The following NOS1AP variants were observed in gnomAD, a reference collection of about 807,000 sequenced individuals.
NOS1AP encodes the protein nitric oxide synthase 1 adaptor protein.
Under a neutral mutation model 56.2 loss-of-function variants are expected in NOS1AP, and 21 were observed. The observed-to-expected ratio is 0.37, with a 90% CI of 0.26 to 0.54. The LOEUF (loss-of-function observed/expected upper bound fraction) is 0.54, where lower values mean the gene tolerates loss of function less well. NOS1AP is among the 20% of genes least tolerant of loss of function. The pLI is 0.84. For missense variants in NOS1AP, 522 were observed against 657.8 expected (o/e 0.79, Z 2.26); for synonymous variants, 270 against 274.6 (o/e 0.98, Z 0.17).
intron 2 of NOS1AP, among the ~76,000 whole-genome samples, chr1:162,240,878 G>A (rs548548605): frequency 2.7e-4 from 41 of 152,340 alleles, no homozygotes; most frequent in African/African-American, 9.4e-4. Flanking sequence ...GGATACAGAC[G>A]TGTCAAGGGA....
intron 1 of NOS1AP, among the ~76,000 whole-genome samples, chr1:162,120,086 C>CATATGTATATGATATATACACATGT (rs1648144615): frequency 4.7e-4 from 1 of 2,106 alleles, no homozygotes; most frequent in Non-Finnish European, 3.0e-3. Flanking sequence ...ATGGTATATA[C>CATATGTATATGATATATACACATGT]ATATGTATAT....
chr1:162,170,662 C>T (rs569477761), intron 2 of NOS1AP, among the ~76,000 whole-genome samples: 16 of 152,240 alleles, frequency 1.1e-4, no homozygotes, highest in African/African-American at 3.9e-4. Flanking sequence ...CGCGGTGGCT[C>T]ACGCCTGTAA....
intron 2 of NOS1AP, among the ~76,000 whole-genome samples, chr1:162,263,204 A>G (rs1654294012): frequency 6.6e-6 from 1 of 152,258 alleles, no homozygotes; most frequent in Admixed American, 6.5e-5. Flanking sequence ...TTGTGCTGCT[A>G]TAACAGAATA....
chr1:162,338,050 AG>A (rs374709791), intron 5 of NOS1AP, among the ~76,000 whole-genome samples: 163 of 152,370 alleles, frequency 1.1e-3, no homozygotes, highest in African/African-American at 3.8e-3. Flanking sequence ...AATACATTAA[AG>A]AAACATGACA....
rs1258753006 is a variant in NOS1AP at position 162,277,297 on chromosome 1, G to A, written c.178-10047G>A. 3.3e-5 allele frequency among the ~76,000 whole-genome samples: 5 copies of A among 152,284 alleles called. 1 individual carries two copies. Among genetic ancestry groups the A allele is most frequent in the Middle Eastern group, 3.4e-3 (1 of 294 alleles). ...GTATTCTGTTAGAGGCTGAATGATTGCTCGACAGAGACAACACTGTGACTT... is the reference window on the plus strand; with the variant it reads ...GTATTCTGTTAGAGGCTGAATGATTACTCGACAGAGACAACACTGTGACTT... On this transcript the variant is annotated intron_variant, in intron 2 of 9. Coordinates refer to ENST00000361897, the MANE Select transcript of NOS1AP (RefSeq NM_014697.3).
At chr1:162,224,209 C>T (rs1005276452) in intron 2 of NOS1AP, among the ~76,000 whole-genome samples, 1 of 151,798 alleles carries the variant, frequency 6.6e-6, no homozygotes, top group African/African-American at 2.4e-5. Flanking sequence ...GTCAGGGATC[C>T]ACTCAGGAAA....
intron 2 of NOS1AP, 125 bp from the exon 3 acceptor site, chr1:162,287,219 G>A (rs1173018850): frequency 2.9e-6 from 2 of 697,964 alleles, no homozygotes; most frequent in East Asian, 5.1e-5. Flanking sequence ...GGTGCTCCCT[G>A]CCCCCAGGAG....
At chr1:162,354,924 TCCTGTGAA>T (rs1408303427) in intron 6 of NOS1AP, among the ~76,000 whole-genome samples, 1 of 152,196 alleles carries the variant, frequency 6.6e-6, no homozygotes, top group Non-Finnish European at 1.5e-5. Flanking sequence ...GTCAATATAT[TCCTGTGAA>T]CCTGGCAAAA....
intron 9 of NOS1AP, 56 bp from the exon 10 acceptor site, chr1:162,366,996 C>A (rs1658108400): frequency 6.2e-7 from 1 of 1,608,092 alleles, no homozygotes; most frequent in South Asian, 1.1e-5. Context: ...GCGGGCATCC[C>A]AAATCAACAA....
At chr1:162,076,418 A>G (rs1472363791) in intron 1 of NOS1AP, among the ~76,000 whole-genome samples, 1 of 152,162 alleles carries the variant, frequency 6.6e-6, no homozygotes, top group African/African-American at 2.4e-5. Flanking sequence ...GCTTTTTACT[A>G]TTGAGTTCCC....
In NOS1AP at chr1:162,311,471, T is replaced by A. The variant is rs1276465329; in HGVS notation, c.344+10765T>A. On this transcript the variant is annotated intron_variant, in intron 4 of 9. Coordinates refer to ENST00000361897, the MANE Select transcript of NOS1AP (RefSeq NM_014697.3). ...TGATGAGTCTCCAGCAAGGGATTAA[T>A]GACTTATAAATCATTGGAGGCATGG... 2.0e-5 allele frequency among the ~76,000 whole-genome samples: 3 copies of A among 152,224 alleles called. No individual in the cohort carries two copies. In the East Asian group the frequency reaches 5.8e-4, roughly 29 times the overall value.
intron 1 of NOS1AP, among the ~76,000 whole-genome samples, chr1:162,072,164 T>C (rs766888965): frequency 1.3e-5 from 2 of 152,186 alleles, no homozygotes; most frequent in Non-Finnish European, 2.9e-5. Flanking sequence ...CCTCTGCATT[T>C]GGTCCCTAAA....
chr1:162,208,278 G>A (rs1004692227), intron 2 of NOS1AP, among the ~76,000 whole-genome samples: 57 of 152,166 alleles, frequency 3.7e-4, no homozygotes, highest in African/African-American at 1.3e-3. Context: ...TCAGAATCTT[G>A]AAGCACTTAC....
At chr1:162,191,936 T>C (rs1182843190) in intron 2 of NOS1AP, among the ~76,000 whole-genome samples, 4 of 152,178 alleles carry the variant, frequency 2.6e-5, no homozygotes, top group Admixed American at 2.0e-4. Context: ...GGTTCTATTC[T>C]ACTGCTACTC....
chr1:162,352,635 G>C (rs1346842949), intron 6 of NOS1AP, among the ~76,000 whole-genome samples: 1 of 152,120 alleles, frequency 6.6e-6, no homozygotes, highest in African/African-American at 2.4e-5. Context: ...TTCCTGGTGA[G>C]AACTCTCTTC....
chr1:162,294,208 GAAGGAAGGAAGGAAGGAAGA>G (rs1655371785), intron 3 of NOS1AP, among the ~76,000 whole-genome samples: 2 of 84,712 alleles, frequency 2.4e-5, no homozygotes, highest in Admixed American at 1.1e-4. Flanking sequence ...AGGAAGGAAG[GAAGGAAGGAAGGAAGGAAGA>G]AAGAAAGGAA....
intron 4 of NOS1AP, among the ~76,000 whole-genome samples, chr1:162,305,346 G>A (rs760241197): frequency 4.0e-5 from 6 of 150,900 alleles, no homozygotes; most frequent in Non-Finnish European, 7.4e-5. Context: ...AATCTGAAGA[G>A]GTTAACAACA....
chr1:162,292,676 A>C (rs1015384478), intron 3 of NOS1AP, among the ~76,000 whole-genome samples: 3 of 152,194 alleles, frequency 2.0e-5, no homozygotes, highest in Non-Finnish European at 4.4e-5. Flanking sequence ...ACTCCATAGG[A>C]AATGCCTAAT....
intron 4 of NOS1AP, among the ~76,000 whole-genome samples, chr1:162,325,450 G>T (rs901162838): frequency 7.9e-5 from 12 of 152,086 alleles, no homozygotes; most frequent in Non-Finnish European, 1.8e-4. Flanking sequence ...AGTGTCTGGT[G>T]GTGTTCTATC....
Sources: allele counts gnomAD v4.1 joint callset (sites outside exome capture counted in the v4.1 genomes callset), GRCh38; gene constraint gnomAD v4.1.1; transcripts MANE v1.5; gene names NCBI Gene and HGNC (gene_info 2026-07-23, HGNC 2026-07-21).